VPS36: variants seen among roughly 807,000 people sequenced by gnomAD.
VPS36 encodes the protein vacuolar protein sorting 36 homolog.
Under a neutral mutation model 63.5 loss-of-function variants are expected in VPS36, and 31 were observed. The ratio of observed to expected loss-of-function variants is 0.49; its 90% CI spans 0.37 to 0.66. The LOEUF (loss-of-function observed/expected upper bound fraction) is 0.66. Ranked by LOEUF, VPS36 falls within the 30% of genes least tolerant of loss-of-function variation. The probability of loss-of-function intolerance (pLI) is 0.00; values close to 1 mark genes in which losing one functional copy is unlikely to be tolerated. For synonymous variants in VPS36, 138 were observed against 157.2 expected, an observed-to-expected ratio of 0.88 and a Z score of 0.91; for missense variants, 338 against 463.7, an observed-to-expected ratio of 0.73 and a Z score of 2.49.
intron 2 of VPS36, 51 bp downstream of exon 2, chr13:52,442,326 A>T: frequency 6.5e-7 from 1 of 1,530,944 alleles, no homozygotes; most frequent in Non-Finnish European, 8.8e-7. Context: ...GTCTCTAAAA[A>T]ATAAATAAAC....
intron 9 of VPS36, among the ~76,000 whole-genome samples, chr13:52,425,237 A>G (rs1958089330): frequency 1.4e-5 from 2 of 146,740 alleles, no homozygotes; most frequent in Admixed American, 1.4e-4. Flanking sequence ...TGGGTGACAG[A>G]GCGAGACTCC....
Position 52,415,748 on chromosome 13 carries a change from G to C in VPS36, c.*82C>G. 8.1e-7 allele frequency: 1 copy of C among 1,231,622 alleles called. No homozygotes were observed. The highest frequency in any genetic ancestry group is 1.2e-6 in the Non-Finnish European group (1 of 855,156). The allele number at this position is 1,231,622 out of a possible 1,614,324, so 76.3% of individuals were successfully genotyped here. A position where few individuals can be genotyped will look rare whatever the true frequency, so the allele number is the denominator to read the frequency against. On this transcript the variant is annotated 3_prime_UTR_variant, in exon 14 of 14. Coordinates refer to ENST00000378060, the MANE Select transcript of VPS36 (RefSeq NM_016075.4). Reference sequence around the variant, plus strand: ...AGTTCCAATAAATTCTCAATTGATCGGGGTTTATCTCTTAGCTCAATGTCA... The same window carrying C: ...AGTTCCAATAAATTCTCAATTGATCCGGGTTTATCTCTTAGCTCAATGTCA...
Position 52,416,934 on chromosome 13 carries a change from G to C in VPS36, c.990+123C>G, listed in dbSNP as rs931181244. 4 of 742,372 alleles carry C rather than the reference G, an allele frequency of 5.4e-6. No individual in the cohort carries two copies. The African/African-American group carries it at 7.1e-5, about 13-fold the overall frequency. The allele number at this position is 742,372 out of a possible 1,614,324, so 46.0% of individuals were successfully genotyped here. A position where few individuals can be genotyped will look rare whatever the true frequency, so the allele number is the denominator to read the frequency against. ...TGTTAGTGATAAACCATTTTTATTT[G>C]GGTGTGTGAATGTTACTTTTTCAGT... is the stretch of plus-strand genomic sequence containing the variant. On this transcript the variant is annotated intron_variant, in intron 12 of 13. Transcript: ENST00000378060.
Position 52,433,721 on chromosome 13 carries a change from C to A in VPS36, c.469G>T (p.Val157Leu), listed in dbSNP as rs1221058057. 6.2e-7 allele frequency: 1 copy of A among 1,611,976 alleles called. No homozygotes were observed. The highest frequency in any genetic ancestry group is 1.3e-5 in the African/African-American group (1 of 74,554). Residue 157 changes from valine to leucine, a missense_variant, in exon 6 of 14, where the codon GTA (valine) becomes TTA (leucine). Val to Leu is a conservative substitution (Grantham distance 32). Coordinates refer to ENST00000378060, the MANE Select transcript of VPS36 (RefSeq NM_016075.4). ...QPGRIRAVGI[V>L]GIERKLEEKR... is the part of the protein sequence containing the mutation. ...TCTTCCAGTTTCCTTTCAATACCTA[C>A]AATTCCTACAGCCCTTATTCTTCCT...
chr13:52,445,638 C>CAAAAAAAAAA (rs1260034533), intron 1 of VPS36, among the ~76,000 whole-genome samples: 2 of 36,776 alleles, frequency 5.4e-5, no homozygotes, highest in Admixed American at 3.6e-4. Context: ...GACTCCGTCT[C>CAAAAAAAAAA]AAAAAAAAAA....
intron 1 of VPS36, among the ~76,000 whole-genome samples, chr13:52,443,843 C>G (rs1474133659): frequency 6.6e-6 from 1 of 152,016 alleles, no homozygotes; most frequent in African/African-American, 2.4e-5. Flanking sequence ...GAGTTGGAAC[C>G]CAAGAGATTA....
At chr13:52,429,256 A>G (rs1566085708) in intron 6 of VPS36, 14 of 985,240 alleles carry the variant, frequency 1.4e-5, no homozygotes, top group African/African-American at 1.7e-5. Context: ...CACTTTGGCT[A>G]TTAGCATCAG....
At chr13:52,440,973 G>A (rs1169621470) in intron 2 of VPS36, among the ~76,000 whole-genome samples, 1 of 152,102 alleles carries the variant, frequency 6.6e-6, no homozygotes, top group Non-Finnish European at 1.5e-5. Flanking sequence ...TAGATCCCTT[G>A]CATGCACAGT....
At chr13:52,417,010 G>A (rs1958000516) in intron 12 of VPS36, 47 bp downstream of exon 12, 10 of 1,532,154 alleles carry the variant, frequency 6.5e-6, no homozygotes, top group Non-Finnish European at 9.0e-6. Flanking sequence ...AAGCCTTCGG[G>A]TCTTCATAGC....
At chr13:52,437,739 G>A (rs1056643795) in intron 3 of VPS36, among the ~76,000 whole-genome samples, 1 of 152,034 alleles carries the variant, frequency 6.6e-6, no homozygotes, top group African/African-American at 2.4e-5. Flanking sequence ...GACCATCCTG[G>A]CTAACACGGT....
intron 6 of VPS36, among the ~76,000 whole-genome samples, chr13:52,430,598 C>T (rs1958144894): frequency 1.3e-5 from 2 of 151,406 alleles, no homozygotes; most frequent in South Asian, 4.2e-4. Flanking sequence ...CGCCACTGCA[C>T]TCCAGCGTGG....
At chr13:52,433,582 A>G in intron 6 of VPS36, 80 bp downstream of exon 6, 1 of 1,102,078 alleles carries the variant, frequency 9.1e-7, no homozygotes, top group Non-Finnish European at 1.3e-6. Flanking sequence ...TAAATTACAG[A>G]AGGGAATTAG....
chr13:52,442,287 G>A (rs1053000068), intron 2 of VPS36, 90 bp downstream of exon 2: 1 of 1,208,382 alleles, frequency 8.3e-7, no homozygotes, highest in Admixed American at 3.2e-5. Flanking sequence ...AGAGGTTACA[G>A]ATCAGCCTAG....
intron 9 of VPS36, 75 bp downstream of exon 9, chr13:52,425,857 C>A (rs1487803578): frequency 7.0e-7 from 1 of 1,423,532 alleles, no homozygotes; most frequent in Non-Finnish European, 9.3e-7. Flanking sequence ...AATAGTTATG[C>A]TCTTGTTAAC....
rs536692682 is a variant in VPS36, at chr13:52,427,226, T to C, written c.529-7A>G. The C allele has an allele frequency of 1.9e-6, 3 of 1,613,114 alleles. No individual in the cohort carries two copies. The highest frequency in any genetic ancestry group is 2.7e-5 in the African/African-American group (2 of 75,002). ...TGCTGAGGTCTTCAAAGGCCTGAAA[T>C]GAGAAATGAATTTTGGTTGAAATCC... On this transcript the variant is annotated splice_region_variant and splice_polypyrimidine_tract_variant and intron_variant, in intron 6 of 13. Transcript: ENST00000378060.
Position 52,434,843 on chromosome 13 carries a change from ATCT to A in VPS36, c.388_390del (p.Arg130del). 6.2e-7 allele frequency: 1 copy of A among 1,614,028 alleles called. No homozygotes were observed. Among genetic ancestry groups the A allele is most frequent in the Non-Finnish European group, 8.5e-7 (1 of 1,179,992 alleles). Reference sequence around the variant, plus strand: ...GACTGGGAAACTGGCATATTCTCCCATCTTCTTTGTGTCATTTCCTCTGATAAA... The same window carrying A: ...GACTGGGAAACTGGCATATTCTCCCATCTTTGTGTCATTTCCTCTGATAAA... On this transcript the variant is annotated inframe_deletion, in exon 5 of 14. Coordinates refer to ENST00000378060, the MANE Select transcript of VPS36 (RefSeq NM_016075.4).
chr13:52,430,717 C>T (rs1018314318), intron 6 of VPS36, among the ~76,000 whole-genome samples: 5 of 151,606 alleles, frequency 3.3e-5, no homozygotes, highest in Non-Finnish European at 5.9e-5. Flanking sequence ...AAGCACAGCA[C>T]GCACCTAAGA....
chr13:52,417,403 A>G lies in VPS36; in HGVS notation c.906-262T>C, dbSNP rs371131587. 7.2e-5 allele frequency among the ~76,000 whole-genome samples: 11 copies of G among 152,304 alleles called. No homozygotes were observed. The East Asian group carries it at 2.1e-3, about 29-fold the overall frequency. On this transcript the variant is annotated intron_variant, in intron 11 of 13. Coordinates refer to ENST00000378060, the MANE Select transcript of VPS36 (RefSeq NM_016075.4). The stretch of plus-strand genomic sequence containing the variant: ...AGAAGGAATTTCGCTCTTGCTGCCC[A>G]GGCTGGAGTGCAAATGGCATGATCT...
At chr13:52,431,625 C>T (rs951013085) in intron 6 of VPS36, among the ~76,000 whole-genome samples, 1 of 151,534 alleles carries the variant, frequency 6.6e-6, no homozygotes, top group Admixed American at 6.6e-5. Context: ...TAGCTGGGCA[C>T]AGTGGTGCGC....
Sources: gnomAD v4.1 joint callset for allele counts (sites outside exome capture counted in the v4.1 genomes callset) on GRCh38, gnomAD v4.1.1 for gene constraint, MANE v1.5 for transcripts, NCBI Gene and HGNC (gene_info 2026-07-23, HGNC 2026-07-21) for gene names.